Variants in ESD observed in about 807,000 individuals in gnomAD.
ESD encodes esterase D.
ESD carries 34 observed loss-of-function variants against 38.1 expected under a neutral mutation model. The observed-to-expected ratio is 0.89, with a 90% CI of 0.68 to 1.19. The LOEUF (loss-of-function observed/expected upper bound fraction) is 1.19, where lower values mean the gene tolerates loss of function less well. Ranked by LOEUF, ESD falls within the 50% of genes most tolerant of loss-of-function variation. The probability of loss-of-function intolerance (pLI) is 0.00; values close to 1 mark genes in which losing one functional copy is unlikely to be tolerated. For synonymous variants in ESD, 97 were observed against 107.0 expected (o/e 0.91, Z 0.58); for missense variants, 334 against 327.2 (o/e 1.02, Z -0.16).
At chr13:46,796,748 G>T (rs931349156) in intron 1 of ESD, among the ~76,000 whole-genome samples, 2 of 152,244 alleles carry the variant, frequency 1.3e-5, no homozygotes, top group African/African-American at 4.8e-5. Flanking sequence ...CTTAAAATGC[G>T]TACACATCTA....
chr13:46,786,433 GA>G (rs1220562487), intron 4 of ESD, among the ~76,000 whole-genome samples: 2 of 151,992 alleles, frequency 1.3e-5, no homozygotes, highest in Admixed American at 1.3e-4. Context: ...AGCGTCTTGT[GA>G]AAGAAAAGTT....
chr13:46,794,476 G>C (rs1163403774), intron 1 of ESD, among the ~76,000 whole-genome samples: 1 of 151,896 alleles, frequency 6.6e-6, no homozygotes, highest in African/African-American at 2.4e-5. Flanking sequence ...TAGGACTACA[G>C]GTGCGTACCA....
Position 46,771,462 on chromosome 13 carries a change from A to G in ESD, c.803T>C (p.Phe268Ser). ...ATGATGTCTGATGTGGTCAGTAATAAAGGTTGCAATGAAGTAGTAGCTATG... is the reference window on the plus strand; with the variant it reads ...ATGATGTCTGATGTGGTCAGTAATAGAGGTTGCAATGAAGTAGTAGCTATG... ...YDHSYYFIATFITDHIRHHAK... is the reference protein window; with the variant it reads ...YDHSYYFIATSITDHIRHHAK... The change falls in exon 10 of 10, where the codon TTT (phenylalanine) becomes TCT (serine). Residue 268 changes from phenylalanine to serine, a missense_variant. By Grantham distance (155) the Phe-to-Ser change is radical (BLOSUM62 -2). Transcript: ENST00000378720. The G allele has an allele frequency of 6.2e-7, 1 of 1,608,706 alleles. No homozygotes were observed. Among genetic ancestry groups the G allele is most frequent in the Non-Finnish European group, 8.5e-7 (1 of 1,175,982 alleles).
intron 1 of ESD, among the ~76,000 whole-genome samples, chr13:46,796,754 A>G (rs1875595472): frequency 6.6e-6 from 1 of 152,242 alleles, no homozygotes. Flanking sequence ...ATGCGTACAC[A>G]TCTACTTCAC....
intron 3 of ESD, among the ~76,000 whole-genome samples, chr13:46,790,050 C>T (rs1485328131): frequency 6.7e-6 from 1 of 149,986 alleles, no homozygotes; most frequent in South Asian, 2.1e-4. Context: ...CCATGTTGGC[C>T]AGGTTGGTCT....
At chr13:46,782,600 G>C in intron 6 of ESD, 67 bp downstream of exon 6, 2 of 1,549,466 alleles carry the variant, frequency 1.3e-6, no homozygotes, top group Non-Finnish European at 8.8e-7. Flanking sequence ...AGGATTGTAA[G>C]GACTTTGTGT....
At chr13:46,785,353 C>A (rs1875156376) in intron 4 of ESD, among the ~76,000 whole-genome samples, 1 of 151,952 alleles carries the variant, frequency 6.6e-6, no homozygotes, top group African/African-American at 2.4e-5. Flanking sequence ...TAATAGTGTG[C>A]CATGAACATT....
chr13:46,779,714 T>TATATATATAAAATAATATATATAATA (rs1359972574), intron 8 of ESD, among the ~76,000 whole-genome samples: 71 of 146,036 alleles, frequency 4.9e-4, no homozygotes, highest in Middle Eastern at 3.6e-3. Flanking sequence ...TTTATATATA[T>TATATATATAAAATAATATATATAATA]ATATATATAA....
At chr13:46,772,735 T>G (rs185260413) in intron 9 of ESD, among the ~76,000 whole-genome samples, 43 of 152,020 alleles carry the variant, frequency 2.8e-4, no homozygotes, top group Admixed American at 1.2e-3. Flanking sequence ...CTGTCACCCA[T>G]GCTGGAGTGC....
Position 46,787,098 on chromosome 13 carries a change from T to C in ESD, c.80A>G (p.Asn27Ser). Residue 27 changes from asparagine (N) to serine (S), a missense_variant, in exon 4 of 10, where the codon AAC becomes AGC. Physicochemically the swap from Asn to Ser is conservative, Grantham distance 46. Transcript: ENST00000378720. Reference sequence around the variant, plus strand: ...GTAGACAGCAAATTTCATTTTGCAGTTTAGTTCAACACTAGTTTTAACAAA... The same window carrying C: ...GTAGACAGCAAATTTCATTTTGCAGCTTAGTTCAACACTAGTTTTAACAAA... ...KVFEHDSVEL[N>S]CKMKFAVYLP... 6.4e-7 allele frequency: 1 copy of C among 1,571,324 alleles called. No individual in the cohort carries two copies. The highest frequency in any genetic ancestry group is 8.7e-7 in the Non-Finnish European group (1 of 1,152,464).
At chr13:46,787,734 C>T (rs994463922) in intron 3 of ESD, among the ~76,000 whole-genome samples, 2 of 151,880 alleles carry the variant, frequency 1.3e-5, no homozygotes, top group African/African-American at 4.8e-5. Context: ...TATGTAAGTA[C>T]ATAGTTTAAA....
chr13:46,779,966 C>T lies in ESD; in HGVS notation c.569G>A (p.Gly190Glu), dbSNP rs9778. The T allele has an allele frequency of 0.11, 178,917 of 1,604,308 alleles. 13,015 individuals carry two copies. Among genetic ancestry groups the T allele is most frequent in the East Asian group, 0.38 (16,937 of 44,464 alleles). ...TTTACTTTGATCTGTTCCCAAATAT[C>T]CACTAAAGGCTTTTTTGCCCCAGGG... The part of the protein sequence containing the change: ...LCPWGKKAFS[G>E]YLGTDQSKWK... Residue 190 changes from glycine to glutamate, a missense_variant, in exon 8 of 10, where the codon GGA becomes GAA. Gly to Glu is a moderately conservative substitution (Grantham distance 98, BLOSUM62 -2). Coordinates refer to ENST00000378720, the MANE Select transcript of ESD (RefSeq NM_001984.2).
intron 1 of ESD, among the ~76,000 whole-genome samples, chr13:46,796,297 C>T (rs1875573245): frequency 6.6e-6 from 1 of 152,192 alleles, no homozygotes. Context: ...TGACACTGGG[C>T]AAGCTAATCT....
intron 8 of ESD, among the ~76,000 whole-genome samples, chr13:46,779,719 A>T (rs945593040): frequency 6.8e-6 from 1 of 146,030 alleles, no homozygotes; most frequent in African/African-American, 2.5e-5. Context: ...ATATATATAT[A>T]TATAAAATAA....
At chr13:46,775,180 T>C (rs2138283487) in intron 9 of ESD, among the ~76,000 whole-genome samples, 1 of 150,372 alleles carries the variant, frequency 6.7e-6, no homozygotes, top group African/African-American at 2.5e-5. Flanking sequence ...CTACCTAGTA[T>C]TTTTTTTTCA....
At chr13:46,771,883 A>G (rs1303028124) in intron 9 of ESD, among the ~76,000 whole-genome samples, 2 of 152,158 alleles carry the variant, frequency 1.3e-5, no homozygotes, top group Admixed American at 6.5e-5. Flanking sequence ...GACACTATCA[A>G]TTGACAGTGT....
chr13:46,783,358 C>G (rs916170419), intron 5 of ESD, among the ~76,000 whole-genome samples: 1 of 151,918 alleles, frequency 6.6e-6, no homozygotes, highest in Non-Finnish European at 1.5e-5. Context: ...TAACTTGTTA[C>G]ATTTTATTTT....
At chr13:46,772,453 A>C (rs772162712) in intron 9 of ESD, among the ~76,000 whole-genome samples, 6 of 152,174 alleles carry the variant, frequency 3.9e-5, no homozygotes, top group Non-Finnish European at 7.3e-5. Context: ...TTCAACTTTT[A>C]AGTTCAGGAG....
intron 8 of ESD, 123 bp from the exon 9 acceptor site, chr13:46,777,746 C>T: frequency 1.4e-6 from 1 of 713,694 alleles, no homozygotes. Flanking sequence ...CAGAAATATG[C>T]TTTTAAGTTG....
Sources: gnomAD v4.1 joint callset for allele counts (sites outside exome capture counted in the v4.1 genomes callset) on GRCh38, gnomAD v4.1.1 for gene constraint, MANE v1.5 for transcripts, NCBI Gene and HGNC (gene_info 2026-07-23, HGNC 2026-07-21) for gene names.